Variants in SEC14L1 observed in about 807,000 individuals in gnomAD.
SEC14L1 encodes SEC14-like protein 1.
Under a neutral mutation model 85.3 loss-of-function variants are expected in SEC14L1, and 48 were observed. The observed-to-expected ratio is 0.56, with a 90% CI of 0.45 to 0.72. The LOEUF is 0.72. SEC14L1 is among the 30% of genes least tolerant of loss of function. The probability of loss-of-function intolerance (pLI) is 0.00; values close to 1 mark genes in which losing one functional copy is unlikely to be tolerated. For synonymous variants in SEC14L1, 391 were observed against 355.5 expected (o/e 1.10, Z -1.12); for missense variants, 682 against 921.4 (o/e 0.74, Z 3.36).
intron 3 of SEC14L1, among the ~76,000 whole-genome samples, chr17:77,103,524 C>T (rs1207792223): frequency 1.3e-5 from 2 of 151,124 alleles, no homozygotes; most frequent in African/African-American, 2.4e-5. Context: ...TCACTGCAAC[C>T]TCTGCCTCCT....
chr17:77,172,562 A>G (rs1018836851), intron 3 of SEC14L1, among the ~76,000 whole-genome samples: 1 of 152,108 alleles, frequency 6.6e-6, no homozygotes, highest in Admixed American at 6.6e-5. Flanking sequence ...TTTCGTACAT[A>G]TACCTTTTGA....
chr17:77,215,347 A>C lies in SEC14L1; in HGVS notation c.*1324A>C, dbSNP rs956240781. ...GATGGCCTCCACGATAAGGACATGC[A>C]ACACGTGTTTCTGTGTGCAGCAGAG... On this transcript the variant is annotated 3_prime_UTR_variant, in exon 17 of 17. Coordinates refer to ENST00000436233, the MANE Select transcript of SEC14L1 (RefSeq NM_001143998.2). 5 of 985,330 alleles carry C rather than the reference A, an allele frequency of 5.1e-6. No individual in the cohort carries two copies. The highest frequency in any genetic ancestry group is 6.0e-6 in the Non-Finnish European group (5 of 829,956). The allele number at this position is 985,330 out of a possible 1,614,324, so 61.0% of individuals were successfully genotyped here. A position where few individuals can be genotyped will look rare whatever the true frequency, so the allele number is the denominator to read the frequency against.
At chr17:77,184,557 G>C (rs1411530927) in intron 3 of SEC14L1, among the ~76,000 whole-genome samples, 1 of 152,084 alleles carries the variant, frequency 6.6e-6, no homozygotes, top group African/African-American at 2.4e-5. Flanking sequence ...GGTGAGTGGA[G>C]CCCCTTCAGG....
At position 77,184,532 on chromosome 17, in the gene SEC14L1, A is replaced by AATT. The variant is rs1206751622; in HGVS notation, c.64-6268_64-6266dup. The stretch of plus-strand genomic sequence containing the variant: ...CACCCTTTTTTCTTTCTGGTGTTCA[A>AATT]ATTATCCCAGACTTGGTGAGTGGAG... On this transcript the variant is annotated intron_variant, in intron 3 of 16. Transcript: ENST00000436233. Among the ~76,000 whole-genome samples, 3 of 152,174 alleles carry AATT rather than the reference A, an allele frequency of 2.0e-5. No homozygotes were observed. The East Asian group carries it at 5.8e-4, about 29-fold the overall frequency.
At chr17:77,195,341 T>C (rs1380409112) in intron 7 of SEC14L1, among the ~76,000 whole-genome samples, 47 of 151,576 alleles carry the variant, frequency 3.1e-4, no homozygotes, top group Middle Eastern at 3.4e-3. Context: ...TGTTTTGAGA[T>C]AGAGTATTGC....
intron 3 of SEC14L1, among the ~76,000 whole-genome samples, chr17:77,155,036 A>G (rs1973744358): frequency 6.6e-6 from 1 of 152,152 alleles, no homozygotes; most frequent in East Asian, 1.9e-4. Flanking sequence ...TAGGTGTTTT[A>G]ATGAGCAGTT....
intron 3 of SEC14L1, among the ~76,000 whole-genome samples, chr17:77,147,807 G>T (rs934071821): frequency 6.6e-6 from 1 of 152,168 alleles, no homozygotes; most frequent in Admixed American, 6.5e-5. Flanking sequence ...TTTGACAAAG[G>T]TGTGGGGGAC....
chr17:77,169,314 A>G (rs910564131), intron 3 of SEC14L1, among the ~76,000 whole-genome samples: 18 of 152,174 alleles, frequency 1.2e-4, no homozygotes, highest in African/African-American at 4.3e-4. Flanking sequence ...TGGAGGCCAG[A>G]TGGCCCTCGG....
At chr17:77,095,774 A>G (rs1598211664) in intron 3 of SEC14L1, among the ~76,000 whole-genome samples, 2 of 151,932 alleles carry the variant, frequency 1.3e-5, no homozygotes, top group Non-Finnish European at 2.9e-5. Flanking sequence ...CCAAGGTCAC[A>G]CCACTGCACT....
chr17:77,174,890 C>T (rs1449318871), intron 3 of SEC14L1, among the ~76,000 whole-genome samples: 1 of 152,238 alleles, frequency 6.6e-6, no homozygotes, highest in Non-Finnish European at 1.5e-5. Context: ...GTTTTTATCC[C>T]TAACGCAGTT....
At chr17:77,212,293 C>T in intron 15 of SEC14L1, 92 bp downstream of exon 15, 1 of 1,535,798 alleles carries the variant, frequency 6.5e-7, no homozygotes, top group Non-Finnish European at 8.8e-7. Context: ...GCTCCTTGAG[C>T]AGCCCTGTGT....
chr17:77,138,569 A>G (rs1029500628), upstream of SEC14L1, among the ~76,000 whole-genome samples: 3 of 152,176 alleles, frequency 2.0e-5, no homozygotes, highest in African/African-American at 7.2e-5. Context: ...GCAGTGAGCC[A>G]AGATCGTGCC....
At chr17:77,101,182 C>CTT (rs1240927369) in intron 3 of SEC14L1, among the ~76,000 whole-genome samples, 2 of 146,206 alleles carry the variant, frequency 1.4e-5, no homozygotes, top group East Asian at 2.0e-4. Flanking sequence ...TAGTCCCTCT[C>CTT]TTTTTTTTTT....
At chr17:77,140,540 G>C (rs866525727), upstream of SEC14L1, among the ~76,000 whole-genome samples, 8 of 152,248 alleles carry the variant, frequency 5.3e-5, no homozygotes, top group South Asian at 2.1e-4. Context: ...GCAGCCATAC[G>C]GGAGGGCCCC....
chr17:77,212,482 T>A lies in SEC14L1; in HGVS notation c.1863+281T>A, dbSNP rs79968818. Among the ~76,000 whole-genome samples, 628 of 152,292 alleles carry A rather than the reference T, an allele frequency of 4.1e-3. 4 individuals carry two copies. Among genetic ancestry groups the A allele is most frequent in the Admixed American group, 0.028 (433 of 15,298 alleles). Reference sequence around the variant, plus strand: ...CACGCACGGGCCCAGCTGGGCTTCATAGGATTTTTCCCCCCCGCCTCATTT... The same window carrying A: ...CACGCACGGGCCCAGCTGGGCTTCAAAGGATTTTTCCCCCCCGCCTCATTT... On this transcript the variant is annotated intron_variant, in intron 15 of 16. Coordinates refer to ENST00000436233, the MANE Select transcript of SEC14L1 (RefSeq NM_001143998.2).
At chr17:77,150,349 A>C (rs1973500518) in intron 3 of SEC14L1, among the ~76,000 whole-genome samples, 3 of 152,166 alleles carry the variant, frequency 2.0e-5, no homozygotes. Flanking sequence ...GGGTGAGGGT[A>C]GGCAAGGGCG....
At chr17:77,139,699 CGT>C (rs1182035722), upstream of SEC14L1, among the ~76,000 whole-genome samples, 1 of 151,794 alleles carries the variant, frequency 6.6e-6, no homozygotes, top group African/African-American at 2.4e-5. Flanking sequence ...GGGATTTCAC[CGT>C]GTTAGCCAGG....
At chr17:77,103,000 G>T (rs554801868) in intron 3 of SEC14L1, among the ~76,000 whole-genome samples, 34 of 152,052 alleles carry the variant, frequency 2.2e-4, no homozygotes, top group African/African-American at 7.7e-4. Context: ...TAGAAGCGAG[G>T]TCTCACTATA....
intron 3 of SEC14L1, among the ~76,000 whole-genome samples, chr17:77,183,130 G>T (rs1002331831): frequency 2.6e-5 from 4 of 152,240 alleles, no homozygotes; most frequent in Non-Finnish European, 5.9e-5. Context: ...TTCTTGGTTT[G>T]TACCAATCTG....
Sources: gnomAD v4.1 joint callset for allele counts (sites outside exome capture counted in the v4.1 genomes callset) on GRCh38, gnomAD v4.1.1 for gene constraint, MANE v1.5 for transcripts, NCBI Gene and HGNC (gene_info 2026-07-23, HGNC 2026-07-21) for gene names.